Variants in UACA observed in about 807,000 individuals in gnomAD.
UACA encodes the protein nuclear membrane binding protein.
In UACA, 112 loss-of-function variants were observed where a neutral mutation model predicts 160.5. The observed-to-expected ratio is 0.70, with a 90% CI of 0.60 to 0.82. The LOEUF is 0.82. Among genes scored for constraint, UACA ranks in the 40% least tolerant of loss-of-function variants. UACA has a pLI of 0.00. For missense variants in UACA, 1,574 were observed against 1,614.6 expected (o/e 0.97, Z 0.43); for synonymous variants, 557 against 568.4 (o/e 0.98, Z 0.29).
intron 1 of UACA, among the ~76,000 whole-genome samples, chr15:70,719,696 AC>A (rs1898932535): frequency 6.6e-6 from 1 of 152,202 alleles, no homozygotes; most frequent in Admixed American, 6.5e-5. Flanking sequence ...ACACTCCCTG[AC>A]CAAGAAGAGC....
chr15:70,750,480 T>C (rs778546153), intron 1 of UACA, among the ~76,000 whole-genome samples: 1 of 152,192 alleles, frequency 6.6e-6, no homozygotes, highest in Non-Finnish European at 1.5e-5. Flanking sequence ...CTCCGTGATA[T>C]TTCCTCTTCT....
At chr15:70,691,266 T>C in intron 4 of UACA, 33 bp downstream of exon 4, 1 of 1,478,640 alleles carries the variant, frequency 6.8e-7, no homozygotes. Flanking sequence ...GTTGTCAAAA[T>C]AATAAAGCTA....
chr15:70,686,599 G>A (rs892990917), intron 7 of UACA, among the ~76,000 whole-genome samples: 3 of 148,414 alleles, frequency 2.0e-5, no homozygotes, highest in African/African-American at 5.0e-5. Flanking sequence ...CCATTAACTC[G>A]TCATTTAGCA....
chr15:70,658,279 T>C (rs558721874), intron 18 of UACA, among the ~76,000 whole-genome samples: 15 of 152,348 alleles, frequency 9.8e-5, no homozygotes, highest in Admixed American at 7.2e-4. Flanking sequence ...TTACATTTCT[T>C]TACCCATTCC....
At chr15:70,699,387 T>C in intron 2 of UACA, 140 bp downstream of exon 2, 1 of 893,642 alleles carries the variant, frequency 1.1e-6, no homozygotes, top group Non-Finnish European at 1.7e-6. Context: ...AATTATTAGT[T>C]TGTTTGAAAG....
In UACA at chr15:70,763,416, C is replaced by G; in HGVS notation, c.-9G>C. 2 of 1,300,868 alleles carry G rather than the reference C, an allele frequency of 1.5e-6. No individual in the cohort carries two copies. The highest frequency in any genetic ancestry group is 9.8e-7 in the Non-Finnish European group (1 of 1,015,586). 80.6% of individuals were successfully genotyped at this position (1,300,868 alleles called of 1,614,324 possible). A position where few individuals can be genotyped will look rare whatever the true frequency, so the allele number is the denominator to read the frequency against. The stretch of plus-strand genomic sequence containing the variant: ...GACTTGAGGCTCTTCATGGCTAACT[C>G]TTGCCTGGCCCCCGCGCGAACCTTA... On this transcript the variant is annotated 5_prime_UTR_variant, in exon 1 of 19. Coordinates refer to ENST00000322954, the MANE Select transcript of UACA (RefSeq NM_018003.4).
At position 70,687,813 on chromosome 15, in the gene UACA, T is replaced by A; in HGVS notation, c.432A>T (p.Ala144=). Residue 144 remains alanine (A), a synonymous_variant, in exon 6 of 19, where the codon GCA becomes GCT. Transcript: ENST00000322954. ...GCAGCTGTATGCTAGAAGGACAATC[T>A]GCCATTGCTTTAAGGAACAAAAGAA... is the stretch of plus-strand genomic sequence containing the variant. ...GRTALHDAAM[A]DCPSSIQLLC... 6.2e-7 allele frequency: 1 copy of A among 1,613,640 alleles called. No homozygotes were observed. The highest frequency in any genetic ancestry group is 8.5e-7 in the Non-Finnish European group (1 of 1,179,686).
chr15:70,725,465 C>G (rs1044539915), intron 1 of UACA, among the ~76,000 whole-genome samples: 1 of 152,162 alleles, frequency 6.6e-6, no homozygotes, highest in African/African-American at 2.4e-5. Context: ...AAAGCATAGT[C>G]ATTTTAATTG....
In UACA at chr15:70,726,947, T is replaced by C. The variant is rs79148721; in HGVS notation, c.79-27287A>G. On this transcript the variant is annotated intron_variant, in intron 1 of 18. Transcript: ENST00000322954. ...ATCTCAAGCAGAGGATGAGTGGTGATGTGGCCAGTGCTCAGCCATGCACGC... is the reference window on the plus strand; with the variant it reads ...ATCTCAAGCAGAGGATGAGTGGTGACGTGGCCAGTGCTCAGCCATGCACGC... Among the ~76,000 whole-genome samples the C allele has an allele frequency of 1.6e-4, 24 of 152,304 alleles. 1 individual carries two copies. In the East Asian group the frequency reaches 3.9e-3, roughly 25 times the overall value.
intron 10 of UACA, 25 bp from the exon 11 acceptor site, chr15:70,678,231 G>A: frequency 6.4e-7 from 1 of 1,557,766 alleles, no homozygotes; most frequent in Non-Finnish European, 8.7e-7. Context: ...ACAACAAGGT[G>A]CCAGGCCAAT....
At chr15:70,686,484 CTTTTTTT>C (rs59586401) in intron 7 of UACA, among the ~76,000 whole-genome samples, 5 of 104,854 alleles carry the variant, frequency 4.8e-5, no homozygotes, top group Non-Finnish European at 5.7e-5. Flanking sequence ...AGCCAGGGTT[CTTTTTTT>C]TTTTTTTTTT....
chr15:70,698,421 T>A (rs149856709), intron 2 of UACA, among the ~76,000 whole-genome samples: 3 of 152,212 alleles, frequency 2.0e-5, no homozygotes, highest in Non-Finnish European at 4.4e-5. Context: ...GTGAGCCCTA[T>A]AAATAGCTTA....
rs1397224882 is a variant in UACA at position 70,678,152 on chromosome 15, C to T, written c.946G>A (p.Glu316Lys). ...LKERLRKIQQEQRILLDKVNG... is the reference protein window; with the variant it reads ...LKERLRKIQQKQRILLDKVNG... ...ACTTTATCCAAAAGTATTCTTTGTT[C>T]TTGCTGAATTTTTCTCAACCTCTCT... The change falls in exon 11 of 19, where the codon GAA (glutamate) becomes AAA (lysine). Residue 316 changes from glutamate (E) to lysine (K), a missense_variant. Transcript: ENST00000322954. 1 of 1,610,632 alleles carries T rather than the reference C, an allele frequency of 6.2e-7. No individual in the cohort carries two copies. The highest frequency in any genetic ancestry group is 8.5e-7 in the Non-Finnish European group (1 of 1,179,232).
At chr15:70,757,401 T>C (rs2030495354) in intron 1 of UACA, among the ~76,000 whole-genome samples, 1 of 152,356 alleles carries the variant, frequency 6.6e-6, no homozygotes, top group African/African-American at 2.4e-5. Flanking sequence ...ATCATGTCTA[T>C]AGACTCTAGA....
intron 3 of UACA, among the ~76,000 whole-genome samples, chr15:70,693,800 C>T (rs1804865557): frequency 6.6e-6 from 1 of 152,004 alleles, no homozygotes; most frequent in Non-Finnish European, 1.5e-5. Flanking sequence ...AATAAATAGT[C>T]TTAAGAGCTC....
At chr15:70,744,166 G>A (rs1344245716) in intron 1 of UACA, among the ~76,000 whole-genome samples, 3 of 149,292 alleles carry the variant, frequency 2.0e-5, no homozygotes, top group Admixed American at 6.7e-5. Context: ...AATGAATGGC[G>A]TGAACCCGGG....
At chr15:70,685,470 C>T (rs187152094) in intron 7 of UACA, among the ~76,000 whole-genome samples, 1 of 152,116 alleles carries the variant, frequency 6.6e-6, no homozygotes, top group African/African-American at 2.4e-5. Context: ...TCCCCCAACT[C>T]CCCTGTAGTT....
intron 1 of UACA, among the ~76,000 whole-genome samples, chr15:70,708,830 T>C (rs1462384809): frequency 1.3e-5 from 2 of 152,164 alleles, no homozygotes; most frequent in Non-Finnish European, 2.9e-5. Context: ...CAGGGGTTTG[T>C]GAGTATAGAT....
intron 17 of UACA, among the ~76,000 whole-genome samples, chr15:70,663,788 A>G (rs1566960787): frequency 6.8e-6 from 1 of 146,446 alleles, no homozygotes; most frequent in Non-Finnish European, 1.5e-5. Flanking sequence ...CAAACACTGC[A>G]TGTTCTCACT....
Sources: gnomAD v4.1 joint callset for allele counts (sites outside exome capture counted in the v4.1 genomes callset) on GRCh38, gnomAD v4.1.1 for gene constraint, MANE v1.5 for transcripts, NCBI Gene and HGNC (gene_info 2026-07-23, HGNC 2026-07-21) for gene names.